The following DGKK variants were observed in gnomAD, a reference collection of about 807,000 sequenced individuals.
DGKK encodes diacylglycerol kinase kappa, also known as 142 kDa diacylglycerol kinase.
Under a neutral mutation model 92.2 loss-of-function variants are expected in DGKK, and 35 were observed. That is an observed-to-expected ratio of 0.38 (90% CI 0.29 to 0.50). The LOEUF (loss-of-function observed/expected upper bound fraction) is 0.50, where lower values mean the gene tolerates loss of function less well. Among genes scored for constraint, DGKK ranks in the 20% least tolerant of loss-of-function variants. DGKK has a pLI of 0.92. For missense variants in DGKK, 910 were observed against 992.2 expected (o/e 0.92, Z 1.11); for synonymous variants, 368 against 360.6 (o/e 1.02, Z -0.23).
intron 1 of DGKK, among the ~76,000 whole-genome samples, chrX:50,428,022 G>C (rs1293291713): frequency 1.8e-5 from 2 of 110,180 alleles, no homozygotes; most frequent in Non-Finnish European, 3.8e-5. Context: ...GTGGTTGTTT[G>C]AGTTCTTTAA....
At chrX:50,400,348 G>A (rs1482261840) in intron 8 of DGKK, among the ~76,000 whole-genome samples, 1 of 111,875 alleles carries the variant, frequency 8.9e-6, no homozygotes, top group African/African-American at 3.2e-5. Flanking sequence ...TTGCTGCATT[G>A]ATTTCATTAC....
chrX:50,378,109 T>A lies in DGKK; in HGVS notation c.3100A>T (p.Thr1034Ser), dbSNP rs1557224036. 8 of 1,208,899 alleles carry A rather than the reference T, an allele frequency of 6.6e-6. No individual in the cohort carries two copies. In the East Asian group the frequency reaches 2.4e-4, roughly 36 times the overall value. ...ATTTTCCCCCTTACCCGATCTCTTG[T>A]CAGCATCTGGGCAGCGTTCTTGTAT... ...IRYKNAAQMLTRDRDFENSMK... is the reference protein window; with the variant it reads ...IRYKNAAQMLSRDRDFENSMK... Residue 1034 changes from threonine (T) to serine (S), a missense_variant, in exon 22 of 28, where the codon ACA becomes TCA. Thr to Ser is a moderately conservative substitution (Grantham distance 58). Coordinates refer to ENST00000611977, the MANE Select transcript of DGKK (RefSeq NM_001013742.4).
At chrX:50,455,357 A>G (rs948822641) in intron 1 of DGKK, among the ~76,000 whole-genome samples, 1 of 111,904 alleles carries the variant, frequency 8.9e-6, no homozygotes, top group Non-Finnish European at 1.9e-5. Flanking sequence ...TCTGTCTATC[A>G]CTGCTTTGTT....
At chrX:50,443,387 GAC>G (rs1233269806) in intron 1 of DGKK, among the ~76,000 whole-genome samples, 2 of 111,318 alleles carry the variant, frequency 1.8e-5, no homozygotes, top group African/African-American at 6.5e-5. Context: ...AGCACAAAAT[GAC>G]ACAGATAGAA....
At chrX:50,382,330 A>C (rs949610806) in intron 18 of DGKK, among the ~76,000 whole-genome samples, 166 bp downstream of exon 18, 2 of 111,897 alleles carry the variant, frequency 1.8e-5, no homozygotes, top group African/African-American at 6.5e-5. Flanking sequence ...AGTCATCCAA[A>C]ATTTGGCACA....
intron 4 of DGKK, among the ~76,000 whole-genome samples, chrX:50,411,265 GA>G (rs782485012): frequency 3.0e-4 from 34 of 111,880 alleles, no homozygotes; most frequent in Non-Finnish European, 5.6e-4. Context: ...AACAAAAAAA[GA>G]AAACTACAGG....
intron 1 of DGKK, among the ~76,000 whole-genome samples, chrX:50,431,244 G>A (rs1557230271): frequency 9.0e-6 from 1 of 111,020 alleles, no homozygotes; most frequent in Non-Finnish European, 1.9e-5. Context: ...TGCCCAGGCT[G>A]GTCTTGAACT....
intron 1 of DGKK, among the ~76,000 whole-genome samples, chrX:50,450,085 C>G (rs1349830794): frequency 9.0e-6 from 1 of 111,354 alleles, no homozygotes. Flanking sequence ...TTGAGGCCAG[C>G]CTTATCCACT....
intron 8 of DGKK, among the ~76,000 whole-genome samples, chrX:50,395,491 T>G (rs1431438159): frequency 9.0e-6 from 1 of 111,146 alleles, no homozygotes; most frequent in Non-Finnish European, 1.9e-5. Context: ...GCCCCCAAAG[T>G]TTTTGTTTTG....
At chrX:50,369,100 C>A in intron 27 of DGKK, 81 bp from the exon 28 acceptor site, 1 of 738,965 alleles carries the variant, frequency 1.4e-6, no homozygotes, top group Non-Finnish European at 2.0e-6. Context: ...CAAAAGAGAG[C>A]AAAAAGTCTG....
intron 8 of DGKK, among the ~76,000 whole-genome samples, chrX:50,394,030 T>C (rs1295376127): frequency 6.3e-5 from 7 of 111,867 alleles, no homozygotes; most frequent in Non-Finnish European, 9.4e-5. Context: ...CATAGAGAAG[T>C]AGGGTTATAG....
chrX:50,435,761 CAGAA>C (rs1926005789), intron 1 of DGKK, among the ~76,000 whole-genome samples: 1 of 108,452 alleles, frequency 9.2e-6, no homozygotes, highest in Non-Finnish European at 1.9e-5. Context: ...GAGAGATATT[CAGAA>C]AGAGAGAGAG....
chrX:50,412,000 A>G (rs782144110), intron 4 of DGKK, among the ~76,000 whole-genome samples: 1 of 111,602 alleles, frequency 9.0e-6, no homozygotes, highest in Non-Finnish European at 1.9e-5. Context: ...ATTTTGAGGT[A>G]TTTGCATTAT....
chrX:50,443,843 A>G (rs1926225052), intron 1 of DGKK, among the ~76,000 whole-genome samples: 1 of 110,183 alleles, frequency 9.1e-6, no homozygotes, highest in African/African-American at 3.3e-5. Flanking sequence ...ATCCTTCTAT[A>G]GCCACATCTA....
intron 1 of DGKK, among the ~76,000 whole-genome samples, chrX:50,428,121 T>C (rs1925794481): frequency 9.1e-6 from 1 of 110,497 alleles, no homozygotes; most frequent in Admixed American, 9.7e-5. Flanking sequence ...TTTCAATGTG[T>C]GTCTACCAGT....
chrX:50,384,861 A>G, intron 15 of DGKK, 37 bp from the exon 16 acceptor site: 1 of 1,065,009 alleles, frequency 9.4e-7, no homozygotes, highest in Non-Finnish European at 1.3e-6. Flanking sequence ...AGCAAAAAAG[A>G]AAGGAGGAAG....
chrX:50,449,688 C>T (rs1002329122), intron 1 of DGKK, among the ~76,000 whole-genome samples: 3 of 110,929 alleles, frequency 2.7e-5, no homozygotes, highest in Admixed American at 9.6e-5. Flanking sequence ...ACTAGTACCA[C>T]GACCTTGCTC....
chrX:50,440,067 A>G (rs1926130515), intron 1 of DGKK, among the ~76,000 whole-genome samples: 1 of 111,671 alleles, frequency 9.0e-6, no homozygotes, highest in Non-Finnish European at 1.9e-5. Flanking sequence ...AATGCTCTCG[A>G]ATGTTTATTA....
At chrX:50,384,349 T>C in intron 16 of DGKK, 85 bp from the exon 17 acceptor site, 1 of 629,655 alleles carries the variant, frequency 1.6e-6, no homozygotes, top group Non-Finnish European at 2.4e-6. Context: ...ATTTTCTCTG[T>C]GGAGGCAGGG....
Sources: allele counts gnomAD v4.1 joint callset (sites outside exome capture counted in the v4.1 genomes callset), GRCh38; gene constraint gnomAD v4.1.1; transcripts MANE v1.5; gene names NCBI Gene and HGNC (gene_info 2026-07-23, HGNC 2026-07-21).